Variants in ARFGEF2 observed in about 807,000 individuals in gnomAD.
ARFGEF2 encodes brefeldin A-inhibited guanine nucleotide-exchange protein 2.
In ARFGEF2, 74 loss-of-function variants were observed where a neutral mutation model predicts 219.9. The ratio of observed to expected loss-of-function variants is 0.34; its 90% CI spans 0.28 to 0.41. ARFGEF2 has a LOEUF of 0.41. Ranked by LOEUF, ARFGEF2 falls within the 10% of genes least tolerant of loss-of-function variation. The probability of loss-of-function intolerance (pLI) is 1.00; values close to 1 mark genes in which losing one functional copy is unlikely to be tolerated. For missense variants in ARFGEF2, 1,743 were observed against 2,218.3 expected (o/e 0.79, Z 4.30); for synonymous variants, 733 against 799.2 (o/e 0.92, Z 1.40).
chr20:49,001,184 C>T (rs938934696), intron 25 of ARFGEF2, among the ~76,000 whole-genome samples: 7 of 149,940 alleles, frequency 4.7e-5, no homozygotes, highest in African/African-American at 9.8e-5. Flanking sequence ...GGACTACACA[C>T]ATGCATCACC....
intron 1 of ARFGEF2, among the ~76,000 whole-genome samples, chr20:48,928,369 T>G (rs2090891599): frequency 6.9e-6 from 1 of 144,092 alleles, no homozygotes; most frequent in South Asian, 2.3e-4. Flanking sequence ...CGGCTAATTT[T>G]TTGTATTTTT....
Position 49,025,357 on chromosome 20 carries a change from G to A in ARFGEF2, c.4800G>A (p.Gln1600=), listed in dbSNP as rs769569255. Reference sequence around the variant, plus strand: ...ATATCCACATAGAGACGGAGGATCAGGGCATGTATAAGTACATGTCTTCCC... The same window carrying A: ...ATATCCACATAGAGACGGAGGATCAAGGCATGTATAAGTACATGTCTTCCC... ...DADIHIETED[Q]GMYKYMSSQH... is the part of the protein sequence containing the mutation. The change falls in exon 36 of 39, where the codon CAG becomes CAA. Residue 1600 remains glutamine, a synonymous_variant. Coordinates refer to ENST00000371917, the MANE Select transcript of ARFGEF2 (RefSeq NM_006420.3). 7 of 1,613,894 alleles carry A rather than the reference G, an allele frequency of 4.3e-6. No individual in the cohort carries two copies. The highest frequency in any genetic ancestry group is 5.9e-6 in the Non-Finnish European group (7 of 1,179,922).
chr20:48,959,594 TTTCCCTCC>T (rs1450796655), intron 6 of ARFGEF2, among the ~76,000 whole-genome samples: 11 of 44,598 alleles, frequency 2.5e-4, no homozygotes, highest in East Asian at 1.5e-3. Flanking sequence ...TCCCTCCCTC[TTTCCCTCC>T]TTCCCTCCTT....
intron 23 of ARFGEF2, among the ~76,000 whole-genome samples, chr20:48,997,613 A>G (rs1344502932): frequency 1.2e-4 from 18 of 151,958 alleles, no homozygotes; most frequent in Admixed American, 1.1e-3. Flanking sequence ...TCTGCTCACT[A>G]TAGGTTTTTC....
intron 34 of ARFGEF2, among the ~76,000 whole-genome samples, chr20:49,022,132 G>A (rs1450728366): frequency 3.0e-5 from 4 of 135,386 alleles, no homozygotes; most frequent in African/African-American, 8.8e-5. Context: ...TCCAGCCAGG[G>A]TGACAAAGCG....
chr20:48,956,260 T>G (rs2091105032), intron 6 of ARFGEF2, among the ~76,000 whole-genome samples: 1 of 152,236 alleles, frequency 6.6e-6, no homozygotes, highest in South Asian at 2.1e-4. Context: ...TACTGCTGAC[T>G]TGGCATTCAA....
At chr20:48,934,275 G>A (rs753906810) in intron 1 of ARFGEF2, among the ~76,000 whole-genome samples, 13 of 151,964 alleles carry the variant, frequency 8.6e-5, no homozygotes, top group Non-Finnish European at 1.8e-4. Flanking sequence ...GCTGTGCCAT[G>A]CTATCTGTGA....
Position 49,018,953 on chromosome 20 carries a change from C to T in ARFGEF2, c.4579C>T (p.Leu1527Phe). The change falls in exon 34 of 39, where the codon CTC becomes TTC. Residue 1527 changes from leucine (L) to phenylalanine (F), a missense_variant. This residue lies in a region of ARFGEF2 where 578 missense variants were observed against 664.0 expected (regional missense o/e 0.87). Coordinates refer to ENST00000371917, the MANE Select transcript of ARFGEF2 (RefSeq NM_006420.3). The part of the protein sequence containing the change: ...KNPSERGQSQ[L>F]SNPTDDSWKG... ...TCCCTCTGAGAGGGGACAGAGCCAGCTCTCTAACCCAACAGATGACAGCTG... is the reference window on the plus strand; with the variant it reads ...TCCCTCTGAGAGGGGACAGAGCCAGTTCTCTAACCCAACAGATGACAGCTG... 1 of 1,614,048 alleles carries T rather than the reference C, an allele frequency of 6.2e-7. No individual in the cohort carries two copies. Among genetic ancestry groups the T allele is most frequent in the Non-Finnish European group, 8.5e-7 (1 of 1,179,928 alleles).
chr20:48,989,143 GTAA>G (rs2091343055), intron 18 of ARFGEF2, 139 bp from the exon 19 acceptor site: 2 of 982,596 alleles, frequency 2.0e-6, no homozygotes, highest in East Asian at 2.6e-5. Flanking sequence ...CTGTAAAATG[GTAA>G]TAATAATATT....
chr20:48,938,583 C>A (rs890435658), intron 1 of ARFGEF2, among the ~76,000 whole-genome samples: 1 of 152,094 alleles, frequency 6.6e-6, no homozygotes, highest in Admixed American at 6.5e-5. Context: ...TTGAATTATT[C>A]TTTCCTAGCT....
chr20:48,950,391 T>C (rs1359504601), intron 3 of ARFGEF2, among the ~76,000 whole-genome samples: 3 of 152,120 alleles, frequency 2.0e-5, no homozygotes, highest in Non-Finnish European at 4.4e-5. Flanking sequence ...GCAACCATGT[T>C]ATTAGTTTCT....
At position 48,954,310 on chromosome 20, in the gene ARFGEF2, G is replaced by A. The variant is rs537721437; in HGVS notation, c.838+520G>A. Among the ~76,000 whole-genome samples the A allele has an allele frequency of 4.3e-4, 65 of 152,216 alleles. 1 individual carries two copies. The highest frequency in any genetic ancestry group is 6.9e-4 in the Non-Finnish European group (47 of 67,998). ...CATGTACATCACTTGTTTTTGTTGG[G>A]TTTTTAAGTGAGAGACTAACCCACA... On this transcript the variant is annotated intron_variant, in intron 6 of 38. Coordinates refer to ENST00000371917, the MANE Select transcript of ARFGEF2 (RefSeq NM_006420.3).
At chr20:49,029,144 G>A (rs1419611385) in intron 37 of ARFGEF2, among the ~76,000 whole-genome samples, 1 of 152,150 alleles carries the variant, frequency 6.6e-6, no homozygotes, top group Non-Finnish European at 1.5e-5. Context: ...CCACCAATGG[G>A]GAGAGAGTGG....
chr20:48,988,080 G>A (rs146004008), intron 16 of ARFGEF2, among the ~76,000 whole-genome samples: 17 of 152,246 alleles, frequency 1.1e-4, no homozygotes, highest in African/African-American at 3.4e-4. Flanking sequence ...GAGCCACCAC[G>A]CCCTGCCAAA....
Position 48,973,427 on chromosome 20 carries a change from T to C in ARFGEF2, c.1665+143T>C, listed in dbSNP as rs149483543. On this transcript the variant is annotated intron_variant, in intron 12 of 38. Coordinates refer to ENST00000371917, the MANE Select transcript of ARFGEF2 (RefSeq NM_006420.3). Reference sequence around the variant, plus strand: ...CATATTCACACACTTCCTGCCATCATGAAACGACATTAAAGAAGTCAGTTC... The same window carrying C: ...CATATTCACACACTTCCTGCCATCACGAAACGACATTAAAGAAGTCAGTTC... 4.7e-4 allele frequency: 420 copies of C among 897,288 alleles called. 2 individuals carry two copies. In the African/African-American group the frequency reaches 6.2e-3, roughly 13 times the overall value. 55.6% of individuals were successfully genotyped at this position (897,288 alleles called of 1,614,324 possible).
chr20:48,998,083 C>A, intron 23 of ARFGEF2, 110 bp from the exon 24 acceptor site: 2 of 984,260 alleles, frequency 2.0e-6, no homozygotes, highest in Non-Finnish European at 3.2e-6. Context: ...TGGTTTTGAA[C>A]TCCTGACCTC....
chr20:48,921,881 G>A lies in ARFGEF2; in HGVS notation c.-9G>A. ...CCGCGGGGCCGTCAGCCCCCGCCGG[G>A]CCGGGGCCATGCAGGAGAGCCAGAC... On this transcript the variant is annotated 5_prime_UTR_variant, in exon 1 of 39. Transcript: ENST00000371917. 1 of 1,539,908 alleles carries A rather than the reference G, an allele frequency of 6.5e-7. No homozygotes were observed. The highest frequency in any genetic ancestry group is 1.2e-5 in the South Asian group (1 of 83,136).
At chr20:48,973,056 G>C in intron 11 of ARFGEF2, 89 bp from the exon 12 acceptor site, 1 of 1,499,340 alleles carries the variant, frequency 6.7e-7, no homozygotes, top group Non-Finnish European at 9.3e-7. Context: ...TAGTTCACTG[G>C]GGAAATTTGT....
At chr20:48,974,692 C>G in intron 12 of ARFGEF2, 74 bp from the exon 13 acceptor site, 2 of 1,208,704 alleles carry the variant, frequency 1.7e-6, no homozygotes, top group Admixed American at 2.0e-5. Context: ...CACTGGGGTC[C>G]CAGAAAGCCT....
Sources: allele counts gnomAD v4.1 joint callset (sites outside exome capture counted in the v4.1 genomes callset), GRCh38; gene constraint gnomAD v4.1.1; regional missense constraint gnomAD v4.1.1; transcripts MANE v1.5; gene names NCBI Gene and HGNC (gene_info 2026-07-23, HGNC 2026-07-21).